The following EPS15L1 variants were observed in gnomAD, a reference collection of about 807,000 sequenced individuals.
EPS15L1 encodes the protein epidermal growth factor receptor pathway substrate 15 like 1.
In EPS15L1, 43 loss-of-function variants were observed where a neutral mutation model predicts 117.1. That is an observed-to-expected ratio of 0.37 (90% CI 0.29 to 0.47). The LOEUF is 0.47. Ranked by LOEUF, EPS15L1 falls within the 20% of genes least tolerant of loss-of-function variation. The pLI, the probability that EPS15L1 is intolerant of heterozygous loss-of-function variation, is 0.99. For missense variants in EPS15L1, 981 were observed against 1,164.0 expected (o/e 0.84, Z 2.29); for synonymous variants, 459 against 470.5 (o/e 0.98, Z 0.32).
At chr19:16,439,072 C>G (rs564223934) in intron 4 of EPS15L1, among the ~76,000 whole-genome samples, 11,737 of 149,514 alleles carry the variant, frequency 0.079, 515 homozygotes, top group Non-Finnish European at 0.11. Flanking sequence ...TGTTTTTTTT[C>G]TGTTTTTTTT....
chr19:16,427,194 G>A lies in EPS15L1; in HGVS notation c.558+1508C>T, dbSNP rs116050387. 3.4e-4 allele frequency among the ~76,000 whole-genome samples: 52 copies of A among 152,274 alleles called. 1 individual carries two copies. Among genetic ancestry groups the A allele is most frequent in the African/African-American group, 1.2e-3 (48 of 41,542 alleles). On this transcript the variant is annotated intron_variant, in intron 8 of 23. Transcript: ENST00000455140. The stretch of plus-strand genomic sequence containing the variant: ...AAAGAATTTTCTGTCGGAGGCCAAG[G>A]GGGGAGGTCGCTTGAGTTGAGTTCG...
At chr19:16,466,479 T>G (rs1374966755) in intron 1 of EPS15L1, among the ~76,000 whole-genome samples, 2 of 152,086 alleles carry the variant, frequency 1.3e-5, no homozygotes, top group Admixed American at 1.3e-4. Context: ...TCTGGGCCCC[T>G]CCCAACGATG....
intron 1 of EPS15L1, among the ~76,000 whole-genome samples, chr19:16,469,633 T>C (rs1026661755): frequency 1.3e-5 from 2 of 152,130 alleles, no homozygotes; most frequent in African/African-American, 4.8e-5. Context: ...GATGATGTCA[T>C]GGAGTACAGA....
At chr19:16,402,598 G>A (rs1475122848) in intron 15 of EPS15L1, 113 bp from the exon 16 acceptor site, 5 of 1,036,832 alleles carry the variant, frequency 4.8e-6, no homozygotes, top group Non-Finnish European at 6.8e-6. Context: ...CTGGAATGTA[G>A]TGGAGTGATC....
intron 1 of EPS15L1, among the ~76,000 whole-genome samples, chr19:16,445,057 A>G (rs2145095600): frequency 6.6e-6 from 1 of 152,244 alleles, no homozygotes; most frequent in East Asian, 1.9e-4. Context: ...GAAGCAAGGG[A>G]AAGAGGTTTC....
intron 21 of EPS15L1, among the ~76,000 whole-genome samples, chr19:16,377,529 G>A (rs1378355561): frequency 1.3e-5 from 2 of 152,126 alleles, no homozygotes; most frequent in African/African-American, 2.4e-5. Context: ...AGCACCAAGG[G>A]CATCCCCAGT....
At chr19:16,406,089 T>G (rs1048812840) in intron 13 of EPS15L1, among the ~76,000 whole-genome samples, 15 of 151,844 alleles carry the variant, frequency 9.9e-5, no homozygotes, top group Non-Finnish European at 1.9e-4. Context: ...TGGGGCTGAG[T>G]CCGAGAGCCA....
intron 22 of EPS15L1, among the ~76,000 whole-genome samples, chr19:16,376,097 A>G (rs1447070982): frequency 6.6e-6 from 1 of 152,122 alleles, no homozygotes; most frequent in Non-Finnish European, 1.5e-5. Flanking sequence ...GCTGGAGCTG[A>G]TGGAAAGGGC....
At chr19:16,393,232 G>A (rs568593901) in intron 18 of EPS15L1, among the ~76,000 whole-genome samples, 1 of 152,000 alleles carries the variant, frequency 6.6e-6, no homozygotes, top group South Asian at 2.1e-4. Context: ...TCCTTTTGGG[G>A]GGATGAGAAT....
chr19:16,452,649 A>C lies in EPS15L1; in HGVS notation c.34-10430T>G, dbSNP rs961877259. Among the ~76,000 whole-genome samples the C allele has an allele frequency of 2.0e-5, 3 of 151,938 alleles. 1 individual carries two copies. The highest frequency in any genetic ancestry group is 7.2e-5 in the African/African-American group (3 of 41,420). Reference sequence around the variant, plus strand: ...ATGTCATCTGAAAAAAAAAAAAAAAAAACCTAAGAACTAAAAATATACGTA... The same window carrying C: ...ATGTCATCTGAAAAAAAAAAAAAAACAACCTAAGAACTAAAAATATACGTA... On this transcript the variant is annotated intron_variant, in intron 1 of 23. Transcript: ENST00000455140.
rs1270686747 is a variant in EPS15L1, at chr19:16,385,141, G to A, written c.2235C>T (p.Ser745=). ...FNSAEGFADF[S]QMSKPPPSGP... The stretch of plus-strand genomic sequence containing the variant: ...GGAGGGGCTTTACCTTGGACATCTG[G>A]CTGAAGTCGGCAAAGCCTTCAGCAC... The change falls in exon 21 of 24, where the codon AGC becomes AGT. Residue 745 remains serine (S), a synonymous_variant. Coordinates refer to ENST00000455140, the MANE Select transcript of EPS15L1 (RefSeq NM_001258374.3). The A allele has an allele frequency of 6.2e-6, 10 of 1,613,916 alleles. No individual in the cohort carries two copies. Among genetic ancestry groups the A allele is most frequent in the Admixed American group, 1.7e-5 (1 of 60,004 alleles).
chr19:16,436,621 C>A (rs1346800402), intron 6 of EPS15L1: 2 of 271,864 alleles, frequency 7.4e-6, no homozygotes, highest in Admixed American at 4.9e-5. Context: ...GCAGCAAAAA[C>A]CACAGAATGT....
In EPS15L1 at chr19:16,381,776, C is replaced by T. The variant is rs976799348; in HGVS notation, c.2247+3353G>A. Among the ~76,000 whole-genome samples, 2 of 152,192 alleles carry T rather than the reference C, an allele frequency of 1.3e-5. No homozygotes were observed. The highest frequency in any genetic ancestry group is 1.5e-5 in the Non-Finnish European group (1 of 68,026). On this transcript the variant is annotated intron_variant, in intron 21 of 23. Coordinates refer to ENST00000455140, the MANE Select transcript of EPS15L1 (RefSeq NM_001258374.3). This position sits in a 1 kb window ranked among gnomAD's most constrained non-coding sequence, Gnocchi z 4.2. The stretch of plus-strand genomic sequence containing the variant: ...AAAGAATGGGGGAAAAACACTGGCC[C>T]GTCTGTGGGTGCTTCTGCGATTCAT...
rs573490558 is a variant in EPS15L1 at position 16,433,738 on chromosome 19, G to A, written c.498+627C>T. ...TCCCAGCACTTTGGGAGGCCGAGGC[G>A]GGTGAATCTGAGATAGGAGTTTGGG... On this transcript the variant is annotated intron_variant, in intron 7 of 23. Transcript: ENST00000455140. 4.6e-5 allele frequency among the ~76,000 whole-genome samples: 7 copies of A among 151,980 alleles called. No homozygotes were observed. In the East Asian group the frequency reaches 5.9e-4, roughly 13 times the overall value.
At chr19:16,448,003 G>C (rs1175168754) in intron 1 of EPS15L1, among the ~76,000 whole-genome samples, 1 of 152,192 alleles carries the variant, frequency 6.6e-6, no homozygotes, top group Non-Finnish European at 1.5e-5. Flanking sequence ...TCAGGAGGAA[G>C]GAAAGCCTTT....
chr19:16,440,066 CAAAAA>C (rs34503524), intron 4 of EPS15L1, among the ~76,000 whole-genome samples: 1 of 74,824 alleles, frequency 1.3e-5, no homozygotes, highest in Non-Finnish European at 2.9e-5. Context: ...ACTCTGTCTC[CAAAAA>C]AAAAAAAAAA....
At chr19:16,401,174 G>A (rs2092597186) in intron 16 of EPS15L1, 1 of 985,478 alleles carries the variant, frequency 1.0e-6, no homozygotes, top group Non-Finnish European at 1.2e-6. Context: ...AGAAAAGAGA[G>A]TATGGGAGGA....
At chr19:16,369,286 C>T (rs1032584417) in intron 22 of EPS15L1, among the ~76,000 whole-genome samples, 2 of 152,154 alleles carry the variant, frequency 1.3e-5, no homozygotes, top group African/African-American at 4.8e-5. Context: ...GAGGTCCCTG[C>T]GATCGCAGCG....
At chr19:16,449,238 A>G (rs964643389) in intron 1 of EPS15L1, among the ~76,000 whole-genome samples, 1 of 150,850 alleles carries the variant, frequency 6.6e-6, no homozygotes, top group Non-Finnish European at 1.5e-5. Flanking sequence ...ACAAGATCTG[A>G]TTTCTTAAAA....
Sources: allele counts gnomAD v4.1 joint callset (sites outside exome capture counted in the v4.1 genomes callset), GRCh38; gene constraint gnomAD v4.1.1; non-coding constraint Gnocchi (gnomAD v3.1); transcripts MANE v1.5; gene names NCBI Gene and HGNC (gene_info 2026-07-23, HGNC 2026-07-21).